The following KPNA3 variants were observed in gnomAD, a reference collection of about 807,000 sequenced individuals.
KPNA3 encodes the protein importin subunit alpha-4.
Under a neutral mutation model 73.8 loss-of-function variants are expected in KPNA3, and 13 were observed. The ratio of observed to expected loss-of-function variants is 0.18; its 90% CI spans 0.11 to 0.28. The LOEUF is 0.28. KPNA3 is among the 10% of genes least tolerant of loss of function. The probability of loss-of-function intolerance (pLI) is 1.00; values close to 1 mark genes in which losing one functional copy is unlikely to be tolerated. For synonymous variants in KPNA3, 186 were observed against 206.9 expected (o/e 0.90, Z 0.87); for missense variants, 360 against 618.1 (o/e 0.58, Z 4.43).
At chr13:49,703,462 G>A (rs998071977) in intron 15 of KPNA3, among the ~76,000 whole-genome samples, 1 of 152,178 alleles carries the variant, frequency 6.6e-6, no homozygotes, top group African/African-American at 2.4e-5. Flanking sequence ...TTACAGGAGT[G>A]AGCCACTGCA....
chr13:49,715,294 G>C (rs1954294857), intron 10 of KPNA3, among the ~76,000 whole-genome samples: 1 of 151,942 alleles, frequency 6.6e-6, no homozygotes, highest in South Asian at 2.1e-4. Flanking sequence ...AATATATAAA[G>C]AACTCTTAAA....
At chr13:49,779,383 A>T (rs988111295) in intron 1 of KPNA3, among the ~76,000 whole-genome samples, 31 of 152,196 alleles carry the variant, frequency 2.0e-4, no homozygotes, top group African/African-American at 7.2e-4. Flanking sequence ...AGAGGCCACT[A>T]AGTATAATTT....
At chr13:49,762,263 C>A (rs866377543) in intron 1 of KPNA3, among the ~76,000 whole-genome samples, 2 of 151,060 alleles carry the variant, frequency 1.3e-5, no homozygotes, top group Non-Finnish European at 3.0e-5. Context: ...CGCCTCCGCC[C>A]GGCCATCGCC....
intron 1 of KPNA3, among the ~76,000 whole-genome samples, chr13:49,789,754 GTCTC>G (rs924293019): frequency 2.0e-5 from 3 of 151,952 alleles, no homozygotes; most frequent in Admixed American, 1.3e-4. Context: ...TTACCCTTTA[GTCTC>G]TCTCTCTCCT....
At chr13:49,703,432 G>A (rs1019539252) in intron 15 of KPNA3, among the ~76,000 whole-genome samples, 1 of 151,848 alleles carries the variant, frequency 6.6e-6, no homozygotes, top group Non-Finnish European at 1.5e-5. Flanking sequence ...CGCCCGCCTT[G>A]GCCTCCCAAA....
rs60821750 is a variant in KPNA3, at chr13:49,728,234, C to CAA, written c.384-2735_384-2734dup. Among the ~76,000 whole-genome samples, 99 of 63,332 alleles carry CAA rather than the reference C, an allele frequency of 1.6e-3. 1 individual carries two copies. The highest frequency in any genetic ancestry group is 7.9e-3 in the Admixed American group (44 of 5,562). The allele number at this position is 63,332 out of a possible 152,430, so 41.5% of individuals were successfully genotyped here. ...TGGGCGACAGAGCGAGACTCTGTCT[C>CAA]AAAAAAAAAAAAAAAAAGGACAAGT... is the stretch of plus-strand genomic sequence containing the variant. On this transcript the variant is annotated intron_variant, in intron 6 of 16. Coordinates refer to ENST00000261667, the MANE Select transcript of KPNA3 (RefSeq NM_002267.4).
intron 1 of KPNA3, among the ~76,000 whole-genome samples, chr13:49,755,578 C>T (rs1330006914): frequency 4.6e-5 from 7 of 152,146 alleles, no homozygotes; most frequent in South Asian, 2.1e-4. Context: ...GGGCGGATCA[C>T]GAGGTCAAGA....
In KPNA3 at chr13:49,746,974, T is replaced by C. The variant is rs1302911109; in HGVS notation, c.89A>G (p.Asn30Ser). 1 of 1,609,868 alleles carries C rather than the reference T, an allele frequency of 6.2e-7. No individual in the cohort carries two copies. Among genetic ancestry groups the C allele is most frequent in the African/African-American group, 1.3e-5 (1 of 74,868 alleles). ...RDVETMRRHR[N>S]EVTVELRKNK... ...CTTCCGCAGTTCCACTGTCACTTCA[T>C]TTCTATGTCTTCGCATTGTCTAGAA... Residue 30 changes from asparagine to serine, a missense_variant, in exon 2 of 17, where the codon AAT becomes AGT. Physicochemically the swap from Asn to Ser is conservative, Grantham distance 46. Transcript: ENST00000261667.
At chr13:49,751,316 C>A (rs1277241443) in intron 1 of KPNA3, among the ~76,000 whole-genome samples, 1 of 152,150 alleles carries the variant, frequency 6.6e-6, no homozygotes, top group Admixed American at 6.5e-5. Flanking sequence ...TACTCACTTT[C>A]AATCCTCTGA....
chr13:49,787,439 T>C (rs78133720), intron 1 of KPNA3, among the ~76,000 whole-genome samples: 5 of 152,210 alleles, frequency 3.3e-5, no homozygotes, highest in African/African-American at 7.2e-5. Flanking sequence ...GGTTTGTACA[T>C]GTCAAGTCTT....
In KPNA3 at chr13:49,701,852, G is replaced by C. The variant is rs1310685327; in HGVS notation, c.1514C>G (p.Thr505Ser). ...GTTGGCTGTTGGATCAAAATTGTAG[G>C]TACCTCCTTGTGTTGCTTCAGGAAT... is the stretch of plus-strand genomic sequence containing the variant. ...CLIPEATQGG[T>S]YNFDPTANLQ... The change falls in exon 17 of 17, where the codon ACC becomes AGC. Residue 505 changes from threonine to serine, a missense_variant. By Grantham distance (58) the Thr-to-Ser change is moderately conservative. Coordinates refer to ENST00000261667, the MANE Select transcript of KPNA3 (RefSeq NM_002267.4). 1 of 1,613,538 alleles carries C rather than the reference G, an allele frequency of 6.2e-7. No individual in the cohort carries two copies. Among genetic ancestry groups the C allele is most frequent in the South Asian group, 1.1e-5 (1 of 91,054 alleles).
intron 1 of KPNA3, among the ~76,000 whole-genome samples, chr13:49,785,491 G>C (rs1040167951): frequency 8.5e-5 from 13 of 152,192 alleles, no homozygotes; most frequent in African/African-American, 3.1e-4. Flanking sequence ...CTTTGAGCTT[G>C]AGAAGCTAAA....
chr13:49,737,637 G>A (rs1299605472), intron 2 of KPNA3, among the ~76,000 whole-genome samples: 1 of 150,436 alleles, frequency 6.6e-6, no homozygotes, highest in Non-Finnish European at 1.5e-5. Context: ...TCACTATGTT[G>A]CCCAGGCTAG....
intron 15 of KPNA3, among the ~76,000 whole-genome samples, chr13:49,704,462 TAAATAAATAAATAAATAAATAGAA>T (rs1252194562): frequency 9.0e-6 from 1 of 110,934 alleles, no homozygotes; most frequent in African/African-American, 2.8e-5. Context: ...AATAAATAAA[TAAATAAATAAATAAATAAATAGAA>T]AGAAAGAAAT....
intron 1 of KPNA3, among the ~76,000 whole-genome samples, chr13:49,777,351 T>C (rs1172076164): frequency 6.6e-6 from 1 of 152,158 alleles, no homozygotes; most frequent in Non-Finnish European, 1.5e-5. Context: ...GACCTCCTAA[T>C]ACCAAAATCC....
rs549592540 is a variant in KPNA3 at position 49,717,338 on chromosome 13, G to C, written c.771+2437C>G. 5.3e-5 allele frequency among the ~76,000 whole-genome samples: 8 copies of C among 150,252 alleles called. No homozygotes were observed. In the East Asian group the frequency reaches 1.6e-3, roughly 30 times the overall value. Reference sequence around the variant, plus strand: ...CCAGCTACTGGAGAGGCTGAGGCAGGAGAATTCCTTCAACTCGGGAGGCGG... The same window carrying C: ...CCAGCTACTGGAGAGGCTGAGGCAGCAGAATTCCTTCAACTCGGGAGGCGG... On this transcript the variant is annotated intron_variant, in intron 10 of 16. Transcript: ENST00000261667.
chr13:49,711,512 T>G (rs997950460), intron 10 of KPNA3, among the ~76,000 whole-genome samples: 6 of 152,246 alleles, frequency 3.9e-5, no homozygotes, highest in Non-Finnish European at 8.8e-5. Context: ...AAGAAATGAC[T>G]TGGCACTTTA....
chr13:49,720,582 C>T (rs1247717618), intron 9 of KPNA3, among the ~76,000 whole-genome samples: 1 of 151,914 alleles, frequency 6.6e-6, no homozygotes, highest in Non-Finnish European at 1.5e-5. Context: ...ATGGTGAAAA[C>T]CCATTTCTAC....
chr13:49,756,085 T>C (rs554631240), intron 1 of KPNA3, among the ~76,000 whole-genome samples: 5 of 152,042 alleles, frequency 3.3e-5, no homozygotes, highest in Non-Finnish European at 7.4e-5. Flanking sequence ...CTGGGCAAAA[T>C]GGCAAAACCT....
Sources: gnomAD v4.1 joint callset for allele counts (sites outside exome capture counted in the v4.1 genomes callset) on GRCh38, gnomAD v4.1.1 for gene constraint, MANE v1.5 for transcripts, NCBI Gene and HGNC (gene_info 2026-07-23, HGNC 2026-07-21) for gene names.